The following KCNN2 variants were observed in gnomAD, a reference collection of about 807,000 sequenced individuals.
KCNN2 encodes the protein small conductance calcium-activated potassium channel protein 2.
Under a neutral mutation model 55.5 loss-of-function variants are expected in KCNN2, and 24 were observed. The observed-to-expected ratio is 0.43, with a 90% CI of 0.31 to 0.61. The LOEUF is 0.61. KCNN2 is among the 20% of genes least tolerant of loss of function. The pLI is 0.08. For synonymous variants in KCNN2, 431 were observed against 336.1 expected (o/e 1.28, Z -3.09); for missense variants, 754 against 853.6 (o/e 0.88, Z 1.45).
chr5:114,418,514 C>T (rs762313484), intron 3 of KCNN2, among the ~76,000 whole-genome samples: 1 of 151,916 alleles, frequency 6.6e-6, no homozygotes, highest in Admixed American at 6.6e-5. Context: ...TGTTGCCTTA[C>T]GGGCTCTCAG....
chr5:114,320,808 GTTGT>G (rs1222580410), intron 2 of KCNN2, among the ~76,000 whole-genome samples: 2 of 152,058 alleles, frequency 1.3e-5, no homozygotes, highest in Admixed American at 6.5e-5. Context: ...AAAGAATAGT[GTTGT>G]TTGTTTGTTT....
chr5:114,240,779 CA>C (rs1347451216), intron 2 of KCNN2, among the ~76,000 whole-genome samples: 2 of 152,064 alleles, frequency 1.3e-5, no homozygotes, highest in Admixed American at 6.6e-5. Context: ...AGCTGCTTAT[CA>C]CTGCTATTAC....
intron 3 of KCNN2, among the ~76,000 whole-genome samples, chr5:114,457,132 G>A (rs1316791115): frequency 4.6e-5 from 7 of 152,144 alleles, no homozygotes; most frequent in Non-Finnish European, 8.8e-5. Context: ...GAAAGAAAGA[G>A]TCCATTGATG....
At chr5:114,353,755 A>T (rs1757252782) in intron 2 of KCNN2, among the ~76,000 whole-genome samples, 1 of 151,978 alleles carries the variant, frequency 6.6e-6, no homozygotes, top group South Asian at 2.1e-4. Flanking sequence ...TGCTTTGAAT[A>T]TACCATCCCA....
At chr5:114,291,209 T>A (rs1755879781) in intron 2 of KCNN2, among the ~76,000 whole-genome samples, 2 of 70,460 alleles carry the variant, frequency 2.8e-5, no homozygotes, top group South Asian at 1.0e-3. Context: ...ATTATTATAC[T>A]TTAAGTTTTA....
At chr5:114,295,138 T>C (rs894895027) in intron 2 of KCNN2, among the ~76,000 whole-genome samples, 31 of 152,196 alleles carry the variant, frequency 2.0e-4, no homozygotes, top group African/African-American at 7.0e-4. Context: ...CCAGTTAGGC[T>C]GCTCAGGGCT....
intron 1 of KCNN2, among the ~76,000 whole-genome samples, chr5:114,060,860 G>T (rs969390596): frequency 4.6e-5 from 7 of 152,196 alleles, no homozygotes; most frequent in Admixed American, 2.6e-4. Flanking sequence ...TGTCAATGCT[G>T]TCTTTGTTGA....
chr5:114,484,125 A>G (rs1362332489), intron 5 of KCNN2, among the ~76,000 whole-genome samples: 1 of 152,182 alleles, frequency 6.6e-6, no homozygotes, highest in Non-Finnish European at 1.5e-5. Flanking sequence ...TGTGGTGCCC[A>G]GTTAACACCA....
chr5:114,425,392 C>T (rs1759590553), intron 3 of KCNN2, among the ~76,000 whole-genome samples: 1 of 152,176 alleles, frequency 6.6e-6, no homozygotes, highest in Non-Finnish European at 1.5e-5. Context: ...CTGGACACCT[C>T]CTACTACTTT....
chr5:114,134,274 G>T (rs1752125605), intron 1 of KCNN2, among the ~76,000 whole-genome samples: 1 of 150,420 alleles, frequency 6.6e-6, no homozygotes, highest in Non-Finnish European at 1.5e-5. Flanking sequence ...AAAGCCATAC[G>T]CTTGGCCCTC....
At chr5:114,284,641 C>A (rs1755698469) in intron 2 of KCNN2, among the ~76,000 whole-genome samples, 1 of 152,024 alleles carries the variant, frequency 6.6e-6, no homozygotes. Context: ...CCTCAGCCTC[C>A]CCAGTAGCTG....
At chr5:114,429,094 A>T (rs1220944182) in intron 3 of KCNN2, among the ~76,000 whole-genome samples, 1 of 152,092 alleles carries the variant, frequency 6.6e-6, no homozygotes. Context: ...TGGGAGCATG[A>T]TTGATGGATC....
chr5:114,496,070 A>G lies in KCNN2; in HGVS notation c.2264A>G (p.Gln755Arg), dbSNP rs1268125382. 2 of 1,614,096 alleles carry G rather than the reference A, an allele frequency of 1.2e-6. No homozygotes were observed. Among genetic ancestry groups the G allele is most frequent in the Non-Finnish European group, 1.7e-6 (2 of 1,179,976 alleles). ...CAGCAGAGAGATTTCATTGAGGCTCAGATGGAGAGCTACGACAAGCACGTC... is the reference window on the plus strand; with the variant it reads ...CAGCAGAGAGATTTCATTGAGGCTCGGATGGAGAGCTACGACAAGCACGTC... ...RQQQRDFIEA[Q>R]MESYDKHVTY... Residue 755 changes from glutamine to arginine, a missense_variant, in exon 8 of 8, where the codon CAG (glutamine) becomes CGG (arginine). Around this residue, in one of 4 missense-constraint regions of KCNN2, gnomAD observed 164 missense variants for 156.6 expected, o/e 1.05. Coordinates refer to ENST00000673685, the MANE Select transcript of KCNN2 (RefSeq NM_021614.4).
chr5:114,135,576 T>G (rs1445385205), intron 1 of KCNN2, among the ~76,000 whole-genome samples: 1 of 152,200 alleles, frequency 6.6e-6, no homozygotes, highest in Non-Finnish European at 1.5e-5. Flanking sequence ...GTTTCTTAAA[T>G]GAAACAGACT....
rs79350974 is a variant in KCNN2 at position 114,382,078 on chromosome 5, G to A, written c.1218+18077G>A. ...TTAATGGATTAACCATGAGGTTAAT[G>A]TTCTCTCCTGTATATGTTTCCTATA... is the stretch of plus-strand genomic sequence containing the variant. On this transcript the variant is annotated intron_variant, in intron 2 of 7. Transcript: ENST00000673685. Among the ~76,000 whole-genome samples, 28 of 152,330 alleles carry A rather than the reference G, an allele frequency of 1.8e-4. No homozygotes were observed. In the East Asian group the frequency reaches 4.2e-3, roughly 23 times the overall value.
chr5:114,138,739 G>A (rs1378710868), intron 1 of KCNN2, among the ~76,000 whole-genome samples: 1 of 152,112 alleles, frequency 6.6e-6, no homozygotes, highest in Non-Finnish European at 1.5e-5. Context: ...ACATTCTCTG[G>A]GTGTGGGACC....
At chr5:114,159,952 C>T (rs1402744145) in intron 1 of KCNN2, among the ~76,000 whole-genome samples, 1 of 152,090 alleles carries the variant, frequency 6.6e-6, no homozygotes, top group Non-Finnish European at 1.5e-5. Flanking sequence ...TTCAAAAAAC[C>T]AGCTCCTGGA....
intron 1 of KCNN2, among the ~76,000 whole-genome samples, chr5:114,168,586 TA>T: frequency 6.6e-6 from 1 of 152,190 alleles, no homozygotes; most frequent in East Asian, 1.9e-4. Flanking sequence ...TTATAGTTTT[TA>T]TTTATATTTT....
intron 1 of KCNN2, among the ~76,000 whole-genome samples, chr5:114,073,182 C>T (rs142256603): frequency 6.6e-6 from 1 of 152,296 alleles, no homozygotes; most frequent in African/African-American, 2.4e-5. Flanking sequence ...ACATTGGTCT[C>T]ACTGGAATAT....
Sources: gnomAD v4.1 joint callset for allele counts (sites outside exome capture counted in the v4.1 genomes callset) on GRCh38, gnomAD v4.1.1 for gene constraint, gnomAD v4.1.1 regional missense constraint, MANE v1.5 for transcripts, NCBI Gene and HGNC (gene_info 2026-07-23, HGNC 2026-07-21) for gene names.